SLC35D4: variants seen among roughly 807,000 people sequenced by gnomAD.
SLC35D4 encodes UDP-N-acetylglucosamine transporter SLC35D4.
the SLC35D4 span, among the ~76,000 whole-genome samples, chr18:23,261,693 C>T: frequency 1.2e-4 from 19 of 152,186 alleles, no homozygotes; most frequent in Non-Finnish European, 2.5e-4. Flanking sequence ...ACACTCAGAA[C>T]ACTTTTGTAC....
At chr18:23,278,291 C>A in the SLC35D4 span, among the ~76,000 whole-genome samples, 7 of 152,308 alleles carry the variant, frequency 4.6e-5, no homozygotes, top group South Asian at 1.0e-3. Context: ...GGAACCCACA[C>A]AACCTAGGGA....
chr18:23,278,279 T>C, the SLC35D4 span, among the ~76,000 whole-genome samples: 4 of 152,264 alleles, frequency 2.6e-5, no homozygotes, highest in South Asian at 8.3e-4. Context: ...TGGAAGGGAA[T>C]TGGAACCCAC....
the SLC35D4 span, among the ~76,000 whole-genome samples, chr18:23,334,633 A>G: frequency 6.6e-6 from 1 of 152,198 alleles, no homozygotes; most frequent in Non-Finnish European, 1.5e-5. Flanking sequence ...TTATACATAA[A>G]CAAAACAACA....
the SLC35D4 span, among the ~76,000 whole-genome samples, chr18:23,310,530 C>T: frequency 1.3e-5 from 2 of 152,154 alleles, no homozygotes; most frequent in African/African-American, 4.8e-5. Context: ...CAGTCTTCCA[C>T]ATCCTGCAGG....
At chr18:23,245,336 C>T in the SLC35D4 span, among the ~76,000 whole-genome samples, 2 of 152,004 alleles carry the variant, frequency 1.3e-5, no homozygotes, top group Non-Finnish European at 2.9e-5. Flanking sequence ...GGCGAAACCC[C>T]ATCTCTACCA....
chr18:23,384,545 G>C, the SLC35D4 span, among the ~76,000 whole-genome samples: 1 of 152,208 alleles, frequency 6.6e-6, no homozygotes, highest in Non-Finnish European at 1.5e-5. Context: ...TTGCACAGAT[G>C]GAGGCCTGGA....
chr18:23,243,980 G>A, the SLC35D4 span, among the ~76,000 whole-genome samples: 3 of 151,622 alleles, frequency 2.0e-5, no homozygotes, highest in East Asian at 1.9e-4. Flanking sequence ...CAGTCGCTTC[G>A]TGATTTTGAC....
the SLC35D4 span, among the ~76,000 whole-genome samples, chr18:23,341,654 G>A: frequency 6.6e-6 from 1 of 152,186 alleles, no homozygotes; most frequent in Non-Finnish European, 1.5e-5. Flanking sequence ...TCAAATGTCA[G>A]CACGTTTTGA....
chr18:23,317,303 T>A, the SLC35D4 span, among the ~76,000 whole-genome samples: 1 of 152,238 alleles, frequency 6.6e-6, no homozygotes, highest in East Asian at 1.9e-4. Context: ...GAATCTCTGA[T>A]TATTGCTATG....
the SLC35D4 span, among the ~76,000 whole-genome samples, chr18:23,308,717 C>T: frequency 2.6e-5 from 4 of 152,180 alleles, no homozygotes; most frequent in Admixed American, 6.5e-5. Context: ...GGTCTCTGCT[C>T]AGACAGCTTA....
chr18:23,413,814 C>T, the SLC35D4 span, among the ~76,000 whole-genome samples: 12 of 151,978 alleles, frequency 7.9e-5, no homozygotes, highest in South Asian at 1.9e-3. Context: ...CATGGTGATG[C>T]ACGCCTGTAG....
the SLC35D4 span, among the ~76,000 whole-genome samples, chr18:23,305,067 T>C: frequency 2.8e-4 from 42 of 152,364 alleles, no homozygotes; most frequent in African/African-American, 9.1e-4. Flanking sequence ...CATACAGCAG[T>C]CACTCAATAA....
the SLC35D4 span, among the ~76,000 whole-genome samples, chr18:23,273,452 A>G: frequency 6.6e-6 from 1 of 152,178 alleles, no homozygotes; most frequent in Non-Finnish European, 1.5e-5. Flanking sequence ...GGGCAAAAAG[A>G]GAAAGGGAGT....
chr18:23,239,990 C>G, the SLC35D4 span, among the ~76,000 whole-genome samples: 1 of 152,122 alleles, frequency 6.6e-6, no homozygotes, highest in Admixed American at 6.5e-5. Flanking sequence ...TGGTGTTGCG[C>G]GCCTGTAGTC....
chr18:23,252,725 C>T, the SLC35D4 span, among the ~76,000 whole-genome samples: 1 of 152,164 alleles, frequency 6.6e-6, no homozygotes, highest in Non-Finnish European at 1.5e-5. Flanking sequence ...GGTCTACAGG[C>T]CGGCTTTCCT....
At chr18:23,434,822 C>A in the SLC35D4 span, among the ~76,000 whole-genome samples, 1 of 149,320 alleles carries the variant, frequency 6.7e-6, no homozygotes, top group Non-Finnish European at 1.5e-5. Flanking sequence ...TTATAAAAGG[C>A]CATGGGGCTC....
At chr18:23,385,955 T>A in the SLC35D4 span, among the ~76,000 whole-genome samples, 1 of 151,078 alleles carries the variant, frequency 6.6e-6, no homozygotes, top group Non-Finnish European at 1.5e-5. Context: ...CATGGTGAAA[T>A]CCCGTCTCTA....
chr18:23,380,283 G>A, the SLC35D4 span, among the ~76,000 whole-genome samples: 1 of 152,096 alleles, frequency 6.6e-6, no homozygotes, highest in Non-Finnish European at 1.5e-5. Flanking sequence ...AGAGAGGAGA[G>A]CACTTGAGGC....
At chr18:23,329,133 G>C in the SLC35D4 span, among the ~76,000 whole-genome samples, 1 of 152,124 alleles carries the variant, frequency 6.6e-6, no homozygotes, top group Non-Finnish European at 1.5e-5. Context: ...TACCATTCAG[G>C]ACATAGGCAT....
Sources: gnomAD v4.1 joint callset for allele counts (sites outside exome capture counted in the v4.1 genomes callset) on GRCh38, gnomAD v4.1.1 for gene constraint, MANE v1.5 for transcripts, NCBI Gene and HGNC (gene_info 2026-07-23, HGNC 2026-07-21) for gene names.